FAAH2: variants seen among roughly 807,000 people sequenced by gnomAD.
The protein encoded by FAAH2 is fatty acid amide hydrolase 2.
FAAH2 carries 60 observed loss-of-function variants against 36.9 expected under a neutral mutation model. The observed-to-expected ratio is 1.63, with a 90% CI of 1.32 to 2.02. The LOEUF (loss-of-function observed/expected upper bound fraction) is 2.02. Among genes scored for constraint, FAAH2 ranks in the 30% most tolerant of loss-of-function variants. FAAH2 has a pLI of 0.00. For synonymous variants in FAAH2, 214 were observed against 143.8 expected (o/e 1.49, Z -3.49); for missense variants, 689 against 397.5 (o/e 1.73, Z -6.23).
chrX:57,301,605 AGT>A (rs1390978270), intron 2 of FAAH2, among the ~76,000 whole-genome samples: 46 of 30,479 alleles, frequency 1.5e-3, no homozygotes, highest in Non-Finnish European at 5.7e-4. Flanking sequence ...TAAAACTTAA[AGT>A]ATAATAATAA....
chrX:57,413,744 A>T (rs902586128), intron 7 of FAAH2, among the ~76,000 whole-genome samples: 4 of 112,019 alleles, frequency 3.6e-5, no homozygotes, highest in Non-Finnish European at 7.5e-5. Flanking sequence ...TAACTCTGTG[A>T]ATAAAGTCAA....
At chrX:57,256,929 G>C in the FAAH2 span, among the ~76,000 whole-genome samples, 3 of 112,117 alleles carry the variant, frequency 2.7e-5, no homozygotes, top group East Asian at 8.4e-4. Flanking sequence ...GCGGCCAACA[G>C]ACATATGAAA....
the FAAH2 span, among the ~76,000 whole-genome samples, chrX:57,267,565 A>G: frequency 8.9e-6 from 1 of 112,089 alleles, no homozygotes; most frequent in Non-Finnish European, 1.9e-5. Flanking sequence ...CTCCACCACT[A>G]TGGTGAATGC....
intron 7 of FAAH2, among the ~76,000 whole-genome samples, chrX:57,419,161 A>G (rs1319059766): frequency 9.0e-6 from 1 of 110,648 alleles, no homozygotes; most frequent in African/African-American, 3.3e-5. Context: ...TATTGTGAAT[A>G]GTGCCACAAT....
intron 7 of FAAH2, among the ~76,000 whole-genome samples, chrX:57,423,686 A>G (rs758514595): frequency 3.6e-5 from 4 of 110,835 alleles, no homozygotes; most frequent in East Asian, 5.7e-4. Flanking sequence ...TAGAATTGCT[A>G]TCTAACTCCT....
the FAAH2 span, among the ~76,000 whole-genome samples, chrX:57,235,398 T>C: frequency 8.9e-6 from 1 of 111,964 alleles, no homozygotes; most frequent in Admixed American, 9.5e-5. Flanking sequence ...TAATTTGGTA[T>C]CTTGTTGCTA....
the FAAH2 span, chrX:57,127,321 A>T: frequency 9.0e-6 from 1 of 111,505 alleles, no homozygotes; most frequent in Non-Finnish European, 1.9e-5. Flanking sequence ...GGAGCTATCT[A>T]AAAAACAAGC....
chrX:57,216,666 T>C, the FAAH2 span, among the ~76,000 whole-genome samples: 136 of 39,002 alleles, frequency 3.5e-3, no homozygotes, highest in Non-Finnish European at 7.8e-3. Flanking sequence ...GTTTATCCAT[T>C]TGTTGATTGA....
chrX:57,405,642 C>T (rs1285791272), intron 7 of FAAH2, among the ~76,000 whole-genome samples: 1 of 105,169 alleles, frequency 9.5e-6, no homozygotes. Context: ...GGAGGGGGCC[C>T]AAGGGGGGTT....
chrX:57,412,133 G>T (rs1454747754), intron 7 of FAAH2, among the ~76,000 whole-genome samples: 1 of 111,621 alleles, frequency 9.0e-6, no homozygotes, highest in Non-Finnish European at 1.9e-5. Context: ...GACTCTTCTA[G>T]TTATTTTGAA....
chrX:57,233,979 A>G, the FAAH2 span, among the ~76,000 whole-genome samples: 1 of 112,652 alleles, frequency 8.9e-6, no homozygotes, highest in East Asian at 2.8e-4. Context: ...TTTTCCTAGA[A>G]AATCTCCAGT....
chrX:57,480,055 A>G (rs961775539), intron 10 of FAAH2, among the ~76,000 whole-genome samples: 3 of 111,568 alleles, frequency 2.7e-5, no homozygotes, highest in Non-Finnish European at 5.6e-5. Context: ...TCCCAAGACT[A>G]AACCAGGAAG....
chrX:57,376,240 T>C (rs999659244), intron 5 of FAAH2, among the ~76,000 whole-genome samples: 11 of 111,399 alleles, frequency 9.9e-5, no homozygotes, highest in African/African-American at 3.6e-4. Context: ...TTCATCGATA[T>C]TATTAATCTT....
At chrX:57,197,877 A>T in the FAAH2 span, among the ~76,000 whole-genome samples, 3 of 112,132 alleles carry the variant, frequency 2.7e-5, no homozygotes, top group Non-Finnish European at 3.8e-5. Flanking sequence ...TGAACTTGTT[A>T]TGTGAACAGA....
chrX:57,137,397 G>C, the FAAH2 span: 2 of 740,534 alleles, frequency 2.7e-6, no homozygotes, highest in Non-Finnish European at 3.2e-6. Context: ...CAGGCAAAGA[G>C]CACTGCAGCG....
At chrX:57,219,016 G>A in the FAAH2 span, among the ~76,000 whole-genome samples, 4 of 111,942 alleles carry the variant, frequency 3.6e-5, no homozygotes, top group East Asian at 2.8e-4. Context: ...GGCCACTTGC[G>A]TCAGCAGTGT....
At chrX:57,371,246 CA>C (rs1214626017) in intron 5 of FAAH2, among the ~76,000 whole-genome samples, 1 of 111,370 alleles carries the variant, frequency 9.0e-6, no homozygotes, top group Admixed American at 9.5e-5. Context: ...TTGCCCCCTT[CA>C]AACTCTCCCC....
the FAAH2 span, among the ~76,000 whole-genome samples, chrX:57,202,500 C>G: frequency 8.9e-6 from 1 of 111,915 alleles, no homozygotes; most frequent in Non-Finnish European, 1.9e-5. Context: ...GAGTTTCTCT[C>G]TCTGTTTTAG....
At chrX:57,269,291 C>T in the FAAH2 span, among the ~76,000 whole-genome samples, 4 of 110,980 alleles carry the variant, frequency 3.6e-5, no homozygotes, top group African/African-American at 1.3e-4. Context: ...TTTTAACACC[C>T]CATTGACAAT....
Sources: gnomAD v4.1 joint callset for allele counts (sites outside exome capture counted in the v4.1 genomes callset) on GRCh38, gnomAD v4.1.1 for gene constraint, MANE v1.5 for transcripts, NCBI Gene and HGNC (gene_info 2026-07-23, HGNC 2026-07-21) for gene names.